VTI1A: variants seen among roughly 807,000 people sequenced by gnomAD.
VTI1A encodes vesicle transport through interaction with t-SNAREs homolog 1A.
In VTI1A, 22 loss-of-function variants were observed where a neutral mutation model predicts 34.9. The ratio of observed to expected loss-of-function variants is 0.63; its 90% CI spans 0.45 to 0.90. The LOEUF is 0.90. Ranked by LOEUF, VTI1A falls within the 40% of genes least tolerant of loss-of-function variation. The pLI is 0.00. For synonymous variants in VTI1A, 87 were observed against 97.3 expected (o/e 0.89, Z 0.62); for missense variants, 268 against 275.6 (o/e 0.97, Z 0.20).
intron 7 of VTI1A, among the ~76,000 whole-genome samples, chr10:112,754,519 A>G (rs887370484): frequency 3.3e-5 from 5 of 152,278 alleles, no homozygotes; most frequent in Non-Finnish European, 2.9e-5. Flanking sequence ...AGTTCACGAC[A>G]CAGTAATTCT....
chr10:112,620,339 C>G (rs1453447925), intron 5 of VTI1A, among the ~76,000 whole-genome samples: 1 of 152,134 alleles, frequency 6.6e-6, no homozygotes, highest in East Asian at 1.9e-4. Flanking sequence ...GAGGGATGTA[C>G]ACAGTTTAGC....
At chr10:112,827,823 C>A in the VTI1A span, 2 of 152,196 alleles carry the variant, frequency 1.3e-5, no homozygotes, top group Non-Finnish European at 2.9e-5. Context: ...CAGTGCTCTG[C>A]TACAGTTTTT....
At chr10:112,852,187 C>G in the VTI1A span, among the ~76,000 whole-genome samples, 2 of 152,024 alleles carry the variant, frequency 1.3e-5, no homozygotes, top group African/African-American at 4.8e-5. Context: ...TAATATAAGA[C>G]ACCTCAAATA....
At position 112,585,343 on chromosome 10, in the gene VTI1A, C is replaced by A. The variant is rs929202538; in HGVS notation, c.427+47013C>A. Among the ~76,000 whole-genome samples, 3 of 152,136 alleles carry A rather than the reference C, an allele frequency of 2.0e-5. No homozygotes were observed. In the South Asian group the frequency reaches 6.2e-4, roughly 31 times the overall value. ...AGATTCAGTTGTGTGATATTTAAAA[C>A]ATGATTTTGTACTTTTTGCTGCTCA... On this transcript the variant is annotated intron_variant, in intron 5 of 7. Coordinates refer to ENST00000393077, the MANE Select transcript of VTI1A (RefSeq NM_145206.4).
At position 112,611,301 on chromosome 10, in the gene VTI1A, T is replaced by C. The variant is rs1038412183; in HGVS notation, c.428-56917T>C. Among the ~76,000 whole-genome samples the C allele has an allele frequency of 2.0e-5, 3 of 152,240 alleles. No individual in the cohort carries two copies. In the South Asian group the frequency reaches 6.2e-4, roughly 32 times the overall value. ...TTATCTGTTGAGCTTGATTCTCTAC[T>C]CTTTTTATTGCCATTGTTTTTCATT... On this transcript the variant is annotated intron_variant, in intron 5 of 7. Coordinates refer to ENST00000393077, the MANE Select transcript of VTI1A (RefSeq NM_145206.4).
At chr10:112,806,656 G>A (rs972392940) in intron 7 of VTI1A, among the ~76,000 whole-genome samples, 4 of 151,364 alleles carry the variant, frequency 2.6e-5, no homozygotes, top group African/African-American at 9.7e-5. Context: ...TGCAATCGTG[G>A]CTCATTGCGA....
At chr10:112,473,483 G>A (rs1257311313) in intron 3 of VTI1A, among the ~76,000 whole-genome samples, 1 of 151,996 alleles carries the variant, frequency 6.6e-6, no homozygotes. Context: ...ATTTTAATGT[G>A]TGCATAATAT....
the VTI1A span, among the ~76,000 whole-genome samples, chr10:112,854,041 T>G: frequency 8.8e-4 from 134 of 152,212 alleles, 4 homozygotes; most frequent in South Asian, 0.027. Flanking sequence ...CTGCTCAGCA[T>G]GAACCTAGAG....
chr10:112,737,305 A>G, intron 7 of VTI1A: 1 of 1,013,620 alleles, frequency 9.9e-7, no homozygotes, highest in Non-Finnish European at 1.2e-6. Flanking sequence ...GATGGTCTCG[A>G]TCTCTTAACC....
chr10:112,633,078 T>C (rs1039857349), intron 5 of VTI1A, among the ~76,000 whole-genome samples: 1 of 152,102 alleles, frequency 6.6e-6, no homozygotes, highest in Non-Finnish European at 1.5e-5. Context: ...TCCCAGCACT[T>C]TGGGAGGCTG....
intron 3 of VTI1A, among the ~76,000 whole-genome samples, chr10:112,518,611 ATGTGTGTGTGTGTATGTG>A (rs1849887194): frequency 1.5e-5 from 2 of 134,170 alleles, no homozygotes; most frequent in African/African-American, 5.5e-5. Context: ...ATATATATAT[ATGTGTGTGTGTGTATGTG>A]TATATATATG....
chr10:112,715,388 GA>G (rs1332748976), intron 7 of VTI1A, among the ~76,000 whole-genome samples: 4 of 151,800 alleles, frequency 2.6e-5, no homozygotes, highest in African/African-American at 7.3e-5. Flanking sequence ...CAGTTTTACA[GA>G]AAAAAAATTG....
intron 5 of VTI1A, among the ~76,000 whole-genome samples, chr10:112,645,627 T>C (rs1025490684): frequency 1.3e-5 from 2 of 152,202 alleles, no homozygotes; most frequent in Non-Finnish European, 2.9e-5. Context: ...CTCTGCTTGA[T>C]ATGCCATTTA....
chr10:112,686,558 G>A (rs1040753240), intron 7 of VTI1A, among the ~76,000 whole-genome samples: 1 of 152,164 alleles, frequency 6.6e-6, no homozygotes, highest in South Asian at 2.1e-4. Context: ...AGGCATGGAA[G>A]CCTTAGGGAA....
intron 5 of VTI1A, among the ~76,000 whole-genome samples, chr10:112,572,231 T>G (rs1384992502): frequency 6.6e-6 from 1 of 152,174 alleles, no homozygotes; most frequent in Non-Finnish European, 1.5e-5. Context: ...TTTGGGAAAA[T>G]AATTAATCTC....
upstream of VTI1A, chr10:112,447,046 G>A (rs1330375622): frequency 2.2e-5 from 7 of 312,178 alleles, no homozygotes; most frequent in Non-Finnish European, 4.4e-5. Flanking sequence ...AACACGAAGG[G>A]GGGAAAAAAC....
At chr10:112,510,393 G>A (rs982805122) in intron 3 of VTI1A, among the ~76,000 whole-genome samples, 3 of 152,082 alleles carry the variant, frequency 2.0e-5, no homozygotes, top group South Asian at 2.1e-4. Context: ...CCAGCATTTC[G>A]GGAGGCTGAG....
the VTI1A span, among the ~76,000 whole-genome samples, chr10:112,830,849 A>ATATATATATATATTTT: frequency 1.5e-4 from 5 of 33,492 alleles, no homozygotes; most frequent in Non-Finnish European, 2.5e-4. Flanking sequence ...ATATATATAT[A>ATATATATATATATTTT]TTTTTTTTTT....
At chr10:112,540,648 A>G (rs1268352107) in intron 5 of VTI1A, among the ~76,000 whole-genome samples, 3 of 152,218 alleles carry the variant, frequency 2.0e-5, no homozygotes, top group Non-Finnish European at 4.4e-5. Flanking sequence ...TGGAAGGAAT[A>G]CACTGGGGTG....
Sources: allele counts gnomAD v4.1 joint callset (sites outside exome capture counted in the v4.1 genomes callset), GRCh38; gene constraint gnomAD v4.1.1; transcripts MANE v1.5; gene names NCBI Gene and HGNC (gene_info 2026-07-23, HGNC 2026-07-21).